Variants in TRABD2B observed in about 807,000 individuals in gnomAD.
The protein encoded by TRABD2B is TraB domain containing 2B, also known as metalloprotease TIKI2.
A neutral mutation model predicts 40.1 loss-of-function variants in TRABD2B; 14 were observed. The ratio of observed to expected loss-of-function variants is 0.35; its 90% CI spans 0.23 to 0.55. TRABD2B has a LOEUF of 0.55. TRABD2B is among the 20% of genes least tolerant of loss of function. The probability of loss-of-function intolerance (pLI) is 0.90; values close to 1 mark genes in which losing one functional copy is unlikely to be tolerated. For synonymous variants in TRABD2B, 263 were observed against 277.0 expected (o/e 0.95, Z 0.50); for missense variants, 541 against 648.6 (o/e 0.83, Z 1.80).
chr1:47,888,081 G>A (rs1240194097), intron 2 of TRABD2B, among the ~76,000 whole-genome samples: 1 of 152,190 alleles, frequency 6.6e-6, no homozygotes, highest in Admixed American at 6.5e-5. Context: ...GGGCTTGCAT[G>A]GTTCGTGATG....
intron 2 of TRABD2B, among the ~76,000 whole-genome samples, chr1:47,992,028 T>C (rs978486302): frequency 2.0e-5 from 3 of 152,142 alleles, no homozygotes; most frequent in Non-Finnish European, 4.4e-5. Flanking sequence ...ACAGGACAAA[T>C]TGGCATGATT....
At chr1:47,910,319 T>G (rs1475608058) in intron 2 of TRABD2B, among the ~76,000 whole-genome samples, 1 of 152,168 alleles carries the variant, frequency 6.6e-6, no homozygotes, top group African/African-American at 2.4e-5. Context: ...CAATTCATCC[T>G]CTAGGACAGA....
At chr1:47,926,137 T>C (rs1005631075) in intron 2 of TRABD2B, among the ~76,000 whole-genome samples, 3 of 152,188 alleles carry the variant, frequency 2.0e-5, no homozygotes, top group African/African-American at 7.2e-5. Context: ...TTATAATTCG[T>C]TTTTGATATT....
chr1:47,826,447 T>C (rs147974653), intron 2 of TRABD2B, among the ~76,000 whole-genome samples: 55 of 152,224 alleles, frequency 3.6e-4, no homozygotes, highest in Non-Finnish European at 3.8e-4. Context: ...TATATATTTA[T>C]TTCAAATAAA....
chr1:47,891,505 G>A (rs1021777718), intron 2 of TRABD2B, among the ~76,000 whole-genome samples: 1 of 152,086 alleles, frequency 6.6e-6, no homozygotes, highest in Non-Finnish European at 1.5e-5. Flanking sequence ...TGTTTTGTGT[G>A]TTCAATAAGA....
At chr1:47,989,852 G>C (rs1645975738) in intron 2 of TRABD2B, among the ~76,000 whole-genome samples, 1 of 152,128 alleles carries the variant, frequency 6.6e-6, no homozygotes, top group African/African-American at 2.4e-5. Context: ...GAAAGCAGGG[G>C]TTGTGGTAAT....
At chr1:47,874,313 C>T (rs1441982624) in intron 2 of TRABD2B, among the ~76,000 whole-genome samples, 31 of 126,714 alleles carry the variant, frequency 2.4e-4, no homozygotes, top group Non-Finnish European at 3.6e-4. Context: ...GGCCGGACTG[C>T]GGACTGCGGA....
rs1644284325 is a variant in TRABD2B, at chr1:47,764,944, G to A, written c.*958C>T. On this transcript the variant is annotated 3_prime_UTR_variant, in exon 7 of 7. Transcript: ENST00000606738. ...GTGCAAAGTGCTTGCCACGCTGCAG[G>A]CTTTGGAAAAATGGCAGCTCTCATT... 1 of 152,214 alleles carries A rather than the reference G, an allele frequency of 6.6e-6. No individual in the cohort carries two copies. The highest frequency in any genetic ancestry group is 1.5e-5 in the Non-Finnish European group (1 of 68,060). The allele number at this position is 152,214 out of a possible 1,614,324, so 9.4% of individuals were successfully genotyped here.
chr1:47,810,838 T>A (rs1264339340), intron 2 of TRABD2B, among the ~76,000 whole-genome samples: 1 of 152,150 alleles, frequency 6.6e-6, no homozygotes, highest in African/African-American at 2.4e-5. Context: ...TGGCTGAGCA[T>A]GGCCTGGACC....
chr1:47,930,521 C>T (rs1645026570), intron 2 of TRABD2B, among the ~76,000 whole-genome samples: 1 of 152,194 alleles, frequency 6.6e-6, no homozygotes, highest in South Asian at 2.1e-4. Flanking sequence ...GCTCTGCCTG[C>T]CCTCCTCCCT....
chr1:47,943,209 T>C (rs1645210546), intron 2 of TRABD2B, among the ~76,000 whole-genome samples: 1 of 152,236 alleles, frequency 6.6e-6, no homozygotes, highest in Non-Finnish European at 1.5e-5. Context: ...ACATGGCACA[T>C]GACTAGTGTT....
chr1:47,873,841 T>G (rs1052663137), intron 2 of TRABD2B, among the ~76,000 whole-genome samples: 24 of 152,200 alleles, frequency 1.6e-4, no homozygotes, highest in Admixed American at 9.2e-4. Flanking sequence ...AGAGTCGGTT[T>G]GGGAGTCATT....
In TRABD2B at chr1:47,762,026, T is replaced by C. The variant is rs1172365827; in HGVS notation, c.*3876A>G. The C allele has an allele frequency of 2.6e-5, 4 of 151,706 alleles. No individual in the cohort carries two copies. Among genetic ancestry groups the C allele is most frequent in the Non-Finnish European group, 1.5e-5 (1 of 67,980 alleles). 9.4% of individuals were successfully genotyped at this position (151,706 alleles called of 1,614,324 possible). ...GATACACACTAGATAGTCACAACAC[T>C]GGGCAGTGGGTATTGTGATAGATGC... On this transcript the variant is annotated 3_prime_UTR_variant, in exon 7 of 7. Coordinates refer to ENST00000606738, the MANE Select transcript of TRABD2B (RefSeq NM_001194986.2).
At chr1:47,929,899 T>C (rs115372656) in intron 2 of TRABD2B, among the ~76,000 whole-genome samples, 1,867 of 152,350 alleles carry the variant, frequency 0.012, 18 homozygotes, top group Non-Finnish European at 0.02. Context: ...TCTAGCTCCA[T>C]GTCCTGAGCC....
intron 2 of TRABD2B, among the ~76,000 whole-genome samples, chr1:47,904,455 G>A (rs527808472): frequency 2.0e-5 from 3 of 152,306 alleles, no homozygotes; most frequent in South Asian, 2.1e-4. Context: ...ACCCCTGATG[G>A]AAACCATGTT....
chr1:47,833,307 A>G (rs2124457681), intron 2 of TRABD2B, among the ~76,000 whole-genome samples: 1 of 152,324 alleles, frequency 6.6e-6, no homozygotes, highest in East Asian at 1.9e-4. Flanking sequence ...GTTACAGGTG[A>G]GAAGAAGATG....
chr1:47,803,788 A>C (rs1367076500), intron 2 of TRABD2B, among the ~76,000 whole-genome samples: 1 of 152,194 alleles, frequency 6.6e-6, no homozygotes, highest in South Asian at 2.1e-4. Flanking sequence ...GTGAAGATAA[A>C]GTGTCACTTC....
In TRABD2B at chr1:47,994,454, G is replaced by A. The variant is rs1397941218; in HGVS notation, c.246C>T (p.Val82=). The change falls in exon 2 of 7, where the codon GTC becomes GTT. Residue 82 remains valine (V), a synonymous_variant. Coordinates refer to ENST00000606738, the MANE Select transcript of TRABD2B (RefSeq NM_001194986.2). The surrounding 1 kb of genome is among the most constrained non-coding windows in gnomAD (Gnocchi z 6.7). ...SKAAFQASTR[V]YFELDLTDPY... ...GGTCTGTAAGGTCCAGCTCAAAGTA[G>A]ACACGGGTGCTAGCCTGGAAGGCTG... 2 of 1,536,190 alleles carry A rather than the reference G, an allele frequency of 1.3e-6. No individual in the cohort carries two copies. Among genetic ancestry groups the A allele is most frequent in the Admixed American group, 3.9e-5 (2 of 51,014 alleles).
intron 2 of TRABD2B, among the ~76,000 whole-genome samples, chr1:47,901,853 G>A (rs190642567): frequency 6.6e-6 from 1 of 152,222 alleles, no homozygotes; most frequent in African/African-American, 2.4e-5. Context: ...AGGGGCAGTT[G>A]GGGCTCCTTG....
Sources: allele counts gnomAD v4.1 joint callset (sites outside exome capture counted in the v4.1 genomes callset), GRCh38; gene constraint gnomAD v4.1.1; non-coding constraint Gnocchi (gnomAD v3.1); transcripts MANE v1.5; gene names NCBI Gene and HGNC (gene_info 2026-07-23, HGNC 2026-07-21).